Variants in ROBO1 observed in about 807,000 individuals in gnomAD.
ROBO1 encodes the protein roundabout homolog 1.
Under a neutral mutation model 195.9 loss-of-function variants are expected in ROBO1, and 149 were observed. The observed-to-expected ratio is 0.76, with a 90% CI of 0.67 to 0.87. The LOEUF (loss-of-function observed/expected upper bound fraction) is 0.87, where lower values mean the gene tolerates loss of function less well. Among genes scored for constraint, ROBO1 ranks in the 40% least tolerant of loss-of-function variants. The pLI, the probability that ROBO1 is intolerant of heterozygous loss-of-function variation, is 0.00. For synonymous variants in ROBO1, 816 were observed against 733.2 expected, an observed-to-expected ratio of 1.11 and a Z score of -1.82; for missense variants, 1,933 against 2,068.3, an observed-to-expected ratio of 0.93 and a Z score of 1.27.
chr3:79,531,306 T>C (rs948766037), intron 2 of ROBO1, among the ~76,000 whole-genome samples: 1 of 152,186 alleles, frequency 6.6e-6, no homozygotes, highest in Non-Finnish European at 1.5e-5. Flanking sequence ...TCAGCAGCTA[T>C]GTAAATATTT....
intron 1 of ROBO1, among the ~76,000 whole-genome samples, chr3:79,595,503 G>GT (rs1371456954): frequency 6.6e-6 from 1 of 151,846 alleles, no homozygotes; most frequent in Non-Finnish European, 1.5e-5. Context: ...ACTGTTAAAG[G>GT]TTTTCCTTGT....
intron 2 of ROBO1, among the ~76,000 whole-genome samples, chr3:79,478,015 T>C (rs551671767): frequency 6.6e-6 from 1 of 152,304 alleles, no homozygotes; most frequent in Non-Finnish European, 1.5e-5. Context: ...TTAGTGCATG[T>C]TTTCCCTTCT....
At chr3:79,669,200 T>C (rs1576205297) in intron 1 of ROBO1, among the ~76,000 whole-genome samples, 2 of 151,972 alleles carry the variant, frequency 1.3e-5, no homozygotes, top group South Asian at 2.1e-4. Context: ...TGAGATCTGA[T>C]GGTTTTAAAA....
chr3:78,860,326 A>ATATATATATATATATT (rs376853384), intron 4 of ROBO1, among the ~76,000 whole-genome samples: 86 of 93,490 alleles, frequency 9.2e-4, no homozygotes, highest in Non-Finnish European at 1.3e-3. Flanking sequence ...ATATATATAT[A>ATATATATATATATATT]TTTTTTTTTT....
chr3:78,882,688 G>A (rs983404708), intron 4 of ROBO1, among the ~76,000 whole-genome samples: 17 of 151,964 alleles, frequency 1.1e-4, no homozygotes, highest in Admixed American at 8.5e-4. Context: ...TTTGCCTCCA[G>A]GTATCCCTCT....
At chr3:78,987,189 G>A (rs1355795772) in intron 3 of ROBO1, among the ~76,000 whole-genome samples, 6 of 148,358 alleles carry the variant, frequency 4.0e-5, no homozygotes, top group Non-Finnish European at 5.9e-5. Flanking sequence ...AGAGTAACAC[G>A]TTTTAAAAAA....
At chr3:79,407,664 T>C (rs1373676127) in intron 2 of ROBO1, among the ~76,000 whole-genome samples, 1 of 152,162 alleles carries the variant, frequency 6.6e-6, no homozygotes, top group Non-Finnish European at 1.5e-5. Flanking sequence ...GTTGTTTTCT[T>C]ATTTTCTAAA....
intron 2 of ROBO1, among the ~76,000 whole-genome samples, chr3:79,530,619 C>T (rs1310285652): frequency 1.3e-5 from 2 of 152,110 alleles, no homozygotes; most frequent in Admixed American, 6.6e-5. Context: ...GTTAAAAAAC[C>T]TAGCCATGGC....
intron 3 of ROBO1, among the ~76,000 whole-genome samples, chr3:79,121,740 G>C (rs1365351693): frequency 6.6e-6 from 1 of 151,880 alleles, no homozygotes; most frequent in Non-Finnish European, 1.5e-5. Context: ...ATTTTAGTAT[G>C]TAAAATTAGG....
chr3:79,119,260 T>C (rs1179415552), intron 3 of ROBO1, among the ~76,000 whole-genome samples: 3 of 152,182 alleles, frequency 2.0e-5, no homozygotes, highest in Admixed American at 1.3e-4. Context: ...TAGAGCTTAA[T>C]TTACTTTTTA....
chr3:78,727,249 T>C (rs9862664), intron 5 of ROBO1, among the ~76,000 whole-genome samples: 7,161 of 152,050 alleles, frequency 0.047, 550 homozygotes, highest in African/African-American at 0.16. Context: ...TATTATATAA[T>C]ATAAAAGAAA....
At chr3:78,656,583 C>T (rs988079145) in intron 18 of ROBO1, among the ~76,000 whole-genome samples, 3 of 151,986 alleles carry the variant, frequency 2.0e-5, no homozygotes, top group African/African-American at 7.2e-5. Flanking sequence ...GATCTCCTGA[C>T]CTCGTGATTT....
chr3:78,695,249 C>G (rs1410067181), intron 8 of ROBO1, among the ~76,000 whole-genome samples: 1 of 151,866 alleles, frequency 6.6e-6, no homozygotes, highest in East Asian at 1.9e-4. Flanking sequence ...ACACAAGTAC[C>G]CTATAACTTA....
intron 3 of ROBO1, among the ~76,000 whole-genome samples, chr3:78,983,704 G>T (rs143029383): frequency 9.9e-5 from 15 of 152,218 alleles, no homozygotes; most frequent in African/African-American, 3.4e-4. Flanking sequence ...GGATAGACAG[G>T]TCTGATTTTA....
At chr3:79,538,797 T>C (rs529151399) in intron 2 of ROBO1, among the ~76,000 whole-genome samples, 1 of 152,328 alleles carries the variant, frequency 6.6e-6, no homozygotes, top group Non-Finnish European at 1.5e-5. Context: ...GCCTAAACCT[T>C]ATTAATAATG....
At chr3:79,095,179 AATAGGT>A (rs1350931427) in intron 3 of ROBO1, among the ~76,000 whole-genome samples, 16 of 152,142 alleles carry the variant, frequency 1.1e-4, no homozygotes, top group African/African-American at 3.9e-4. Flanking sequence ...TGATCATTTA[AATAGGT>A]ATGCAAATTT....
chr3:78,785,929 A>T lies in ROBO1; in HGVS notation c.500-39029T>A, dbSNP rs554078556. Among the ~76,000 whole-genome samples, 6 of 152,348 alleles carry T rather than the reference A, an allele frequency of 3.9e-5. 1 individual carries two copies. In the East Asian group the frequency reaches 7.7e-4, roughly 20 times the overall value. On this transcript the variant is annotated intron_variant, in intron 4 of 30. Transcript: ENST00000464233. ...CCAAAGAGGGCTGTTGTATTTTAAC[A>T]GGTGAATTTGCTAAATCAAAATCAG...
At chr3:78,659,500 CA>C (rs1707243098) in intron 17 of ROBO1, among the ~76,000 whole-genome samples, 185 bp downstream of exon 17, 2 of 152,106 alleles carry the variant, frequency 1.3e-5, no homozygotes, top group Admixed American at 1.3e-4. Context: ...CCTGTCAGAC[CA>C]CCTGAATCAG....
chr3:79,166,560 C>CTTTTTTTTTTTTT (rs968334923), intron 2 of ROBO1, among the ~76,000 whole-genome samples: 22 of 135,104 alleles, frequency 1.6e-4, no homozygotes, highest in African/African-American at 5.3e-4. Context: ...TTCTATTTTT[C>CTTTTTTTTTTTTT]TTTTTTTTTT....
Sources: gnomAD v4.1 joint callset for allele counts (sites outside exome capture counted in the v4.1 genomes callset) on GRCh38, gnomAD v4.1.1 for gene constraint, MANE v1.5 for transcripts, NCBI Gene and HGNC (gene_info 2026-07-23, HGNC 2026-07-21) for gene names.